DMXL2: variants seen among roughly 807,000 people sequenced by gnomAD.
DMXL2 encodes Dmx like 2.
Under a neutral mutation model 331.1 loss-of-function variants are expected in DMXL2, and 103 were observed. That is an observed-to-expected ratio of 0.31 (90% confidence interval 0.27 to 0.37). The LOEUF is 0.37. Ranked by LOEUF, DMXL2 falls within the 10% of genes least tolerant of loss-of-function variation. DMXL2 has a pLI of 1.00. For synonymous variants in DMXL2, 1,281 were observed against 1,252.1 expected, an observed-to-expected ratio of 1.02 and a Z score of -0.49; for missense variants, 3,171 against 3,642.9, an observed-to-expected ratio of 0.87 and a Z score of 3.33.
intron 1 of DMXL2, among the ~76,000 whole-genome samples, chr15:51,604,182 G>T (rs2053418288): frequency 6.7e-6 from 1 of 149,814 alleles, no homozygotes; most frequent in Admixed American, 6.7e-5. Flanking sequence ...TACAGAAAAA[G>T]CACTTGACAA....
intron 6 of DMXL2, among the ~76,000 whole-genome samples, chr15:51,556,831 A>G (rs765569896): frequency 2.0e-4 from 30 of 152,298 alleles, no homozygotes; most frequent in Non-Finnish European, 3.5e-4. Flanking sequence ...CTAAAATTCT[A>G]TATCGTTTGT....
At position 51,486,132 on chromosome 15, in the gene DMXL2, T is replaced by C. The variant is rs1286956381; in HGVS notation, c.5423A>G (p.Tyr1808Cys). Residue 1808 changes from tyrosine (Y) to cysteine (C), a missense_variant, in exon 23 of 44, where the codon TAC becomes TGC. Coordinates refer to ENST00000560891, the MANE Select transcript of DMXL2 (RefSeq NM_001378457.1). ...CAGTAATGTGTCCAAGGCTCGGGTG[T>C]AATCTTTCATTACCCAATAGGCAAG... ...RSLAYWVMKD[Y>C]TRALDTLLEQ... 1 of 1,614,088 alleles carries C rather than the reference T, an allele frequency of 6.2e-7. No individual in the cohort carries two copies. Among genetic ancestry groups the C allele is most frequent in the Non-Finnish European group, 8.5e-7 (1 of 1,179,938 alleles).
intron 33 of DMXL2, among the ~76,000 whole-genome samples, chr15:51,461,925 T>C (rs1040871663): frequency 6.6e-6 from 1 of 152,200 alleles, no homozygotes; most frequent in African/African-American, 2.4e-5. Flanking sequence ...GGAAATGCTA[T>C]ACACAGTGGT....
rs779654000 is a variant in DMXL2, at chr15:51,507,196, C to T, written c.2702G>A (p.Ser901Asn). ...CATATGCAGAATAGAGTTATTATTG[C>T]TGTCCTTCTCAATTACTACTAGAAA... ...KFFLVVIEKD[S>N]NNNSILHMWH... The change falls in exon 16 of 44, where the codon AGC becomes AAC. Residue 901 changes from serine to asparagine, a missense_variant. Physicochemically the swap from Ser to Asn is conservative, Grantham distance 46 (BLOSUM62 1). Transcript: ENST00000560891. 5.0e-6 allele frequency: 8 copies of T among 1,611,062 alleles called. No individual in the cohort carries two copies. The East Asian group carries it at 1.6e-4, about 32-fold the overall frequency.
intron 25 of DMXL2, among the ~76,000 whole-genome samples, chr15:51,478,972 A>T (rs2041806880): frequency 6.6e-6 from 1 of 152,078 alleles, no homozygotes; most frequent in East Asian, 1.9e-4. Context: ...ATATTTTCAG[A>T]CTCACAAAAT....
At chr15:51,511,888 C>T (rs1227729741) in intron 15 of DMXL2, among the ~76,000 whole-genome samples, 1 of 152,074 alleles carries the variant, frequency 6.6e-6, no homozygotes, top group Non-Finnish European at 1.5e-5. Context: ...ATGTCCTTTG[C>T]AGGGACATGG....
chr15:51,500,882 C>A (rs551509594), intron 17 of DMXL2, among the ~76,000 whole-genome samples: 1 of 152,182 alleles, frequency 6.6e-6, no homozygotes, highest in Non-Finnish European at 1.5e-5. Context: ...GATTAAAGAT[C>A]TGAGGTCAGA....
At chr15:51,517,006 A>G (rs551678669) in intron 14 of DMXL2, 72 bp downstream of exon 14, 1 of 1,141,960 alleles carries the variant, frequency 8.8e-7, no homozygotes, top group Admixed American at 1.9e-5. Context: ...TGAGAATGAC[A>G]TATATCATAT....
At chr15:51,508,147 G>C (rs2046523969) in intron 15 of DMXL2, among the ~76,000 whole-genome samples, 1 of 151,992 alleles carries the variant, frequency 6.6e-6, no homozygotes, top group African/African-American at 2.4e-5. Flanking sequence ...TAGACACAGG[G>C]AGGGGAACAT....
intron 1 of DMXL2, among the ~76,000 whole-genome samples, chr15:51,620,873 C>G (rs1364609913): frequency 6.6e-6 from 1 of 152,190 alleles, no homozygotes; most frequent in African/African-American, 2.4e-5. Context: ...ACAGGCTTTT[C>G]CAGGCTGCAT....
rs1047789690 is a variant in DMXL2 at position 51,503,929 on chromosome 15, A to AT, written c.2765-897dup. On this transcript the variant is annotated intron_variant, in intron 16 of 43. Transcript: ENST00000560891. ...TGCTTAGTTACCCTGATAAGCTTAA[A>AT]TTTTTTTTTTTACAATTTTACTCTT... Among the ~76,000 whole-genome samples the AT allele has an allele frequency of 2.0e-3, 300 of 149,004 alleles. 2 individuals are homozygous for AT. Among genetic ancestry groups the AT allele is most frequent in the Admixed American group, 8.6e-3 (129 of 14,996 alleles).
intron 1 of DMXL2, among the ~76,000 whole-genome samples, chr15:51,587,929 G>T (rs2051982683): frequency 6.6e-6 from 1 of 152,140 alleles, no homozygotes; most frequent in Admixed American, 6.5e-5. Flanking sequence ...GTGATGATGA[G>T]CATTTTTTCA....
chr15:51,510,103 C>T (rs2046664703), intron 15 of DMXL2, among the ~76,000 whole-genome samples: 1 of 152,180 alleles, frequency 6.6e-6, no homozygotes, highest in African/African-American at 2.4e-5. Context: ...CAATATCATG[C>T]TGAATGGGCA....
intron 1 of DMXL2, among the ~76,000 whole-genome samples, chr15:51,597,532 T>C (rs1230820839): frequency 2.0e-5 from 3 of 152,216 alleles, no homozygotes; most frequent in Non-Finnish European, 4.4e-5. Context: ...TATTCCCTGG[T>C]ATGTACCACA....
At chr15:51,512,709 G>A (rs767974559) in intron 15 of DMXL2, among the ~76,000 whole-genome samples, 1 of 151,844 alleles carries the variant, frequency 6.6e-6, no homozygotes, top group African/African-American at 2.4e-5. Flanking sequence ...CCAGCTACTC[G>A]GGAGGCTGAG....
intron 3 of DMXL2, among the ~76,000 whole-genome samples, chr15:51,565,508 A>G (rs1412789158): frequency 1.3e-5 from 2 of 152,154 alleles, no homozygotes; most frequent in Admixed American, 1.3e-4. Flanking sequence ...TAGCTAACTC[A>G]TCATCTCTGC....
At chr15:51,555,215 G>C (rs143898336) in intron 6 of DMXL2, among the ~76,000 whole-genome samples, 1 of 152,142 alleles carries the variant, frequency 6.6e-6, no homozygotes, top group Non-Finnish European at 1.5e-5. Context: ...TTGTACAGAA[G>C]TGCAGCAAAA....
chr15:51,564,201 TATC>T lies in DMXL2; in HGVS notation c.421_423del (p.Asp141del). The T allele has an allele frequency of 6.2e-7, 1 of 1,608,446 alleles. No homozygotes were observed. Among genetic ancestry groups the T allele is most frequent in the East Asian group, 2.2e-5 (1 of 44,580 alleles). On this transcript the variant is annotated inframe_deletion, in exon 5 of 44. Coordinates refer to ENST00000560891, the MANE Select transcript of DMXL2 (RefSeq NM_001378457.1). ...TCAATTTCTTCCTCCTCTTCCAGAA[TATC>T]ATCTCCTGGAGGAGCCCACAACTGA... is the stretch of plus-strand genomic sequence containing the variant.
intron 40 of DMXL2, among the ~76,000 whole-genome samples, chr15:51,454,785 G>A (rs1043246522): frequency 7.2e-5 from 11 of 152,034 alleles, no homozygotes; most frequent in East Asian, 3.9e-4. Context: ...GTGAGCCACC[G>A]TGCCCGGCAG....
Sources: gnomAD v4.1 joint callset for allele counts (sites outside exome capture counted in the v4.1 genomes callset) on GRCh38, gnomAD v4.1.1 for gene constraint, MANE v1.5 for transcripts, NCBI Gene and HGNC (gene_info 2026-07-23, HGNC 2026-07-21) for gene names.